NCKAP5: variants seen among roughly 807,000 people sequenced by gnomAD.
The protein encoded by NCKAP5 is nck-associated protein 5.
In NCKAP5, 92 loss-of-function variants were observed where a neutral mutation model predicts 167.0. The ratio of observed to expected loss-of-function variants is 0.55; its 90% CI spans 0.47 to 0.66. The LOEUF (loss-of-function observed/expected upper bound fraction) is 0.66. Among genes scored for constraint, NCKAP5 ranks in the 30% least tolerant of loss-of-function variants. The pLI, the probability that NCKAP5 is intolerant of heterozygous loss-of-function variation, is 0.00. For missense variants in NCKAP5, 2,378 were observed against 2,315.0 expected (o/e 1.03, Z -0.56); for synonymous variants, 891 against 877.4 (o/e 1.02, Z -0.27).
intron 5 of NCKAP5, among the ~76,000 whole-genome samples, chr2:133,204,613 G>A (rs1469024684): frequency 2.6e-5 from 4 of 152,130 alleles, no homozygotes; most frequent in African/African-American, 9.7e-5. Flanking sequence ...TATGAGCCAC[G>A]TTTCGCATAT....
At chr2:133,114,089 A>G (rs2082000287) in intron 6 of NCKAP5, among the ~76,000 whole-genome samples, 1 of 152,250 alleles carries the variant, frequency 6.6e-6, no homozygotes. Flanking sequence ...TGCCATTTAT[A>G]TACTCTTGTT....
chr2:133,482,978 A>G (rs1233848716), intron 3 of NCKAP5, among the ~76,000 whole-genome samples: 1 of 152,172 alleles, frequency 6.6e-6, no homozygotes, highest in East Asian at 1.9e-4. Context: ...TCATTTTTCC[A>G]TGACATTGTT....
intron 3 of NCKAP5, among the ~76,000 whole-genome samples, chr2:133,353,740 G>C (rs566095729): frequency 6.6e-6 from 1 of 152,178 alleles, no homozygotes; most frequent in Non-Finnish European, 1.5e-5. Flanking sequence ...TCTCAACAAT[G>C]AGAGGCTCAG....
At chr2:132,832,448 T>C (rs1357558970) in intron 11 of NCKAP5, among the ~76,000 whole-genome samples, 1 of 152,132 alleles carries the variant, frequency 6.6e-6, no homozygotes, top group African/African-American at 2.4e-5. Flanking sequence ...ATGGTCCCAT[T>C]AGAGCTTTTA....
At chr2:133,361,580 A>G (rs1437263794) in intron 3 of NCKAP5, among the ~76,000 whole-genome samples, 1 of 152,244 alleles carries the variant, frequency 6.6e-6, no homozygotes, top group Non-Finnish European at 1.5e-5. Context: ...TGCTCTTGTT[A>G]AAAGTGAAGA....
rs567013712 is a variant in NCKAP5, at chr2:132,873,438, G to GA, written c.649-4465dup. Among the ~76,000 whole-genome samples the GA allele has an allele frequency of 1.4e-3, 211 of 152,270 alleles. 1 individual carries two copies. Among genetic ancestry groups the GA allele is most frequent in the African/African-American group, 4.8e-3 (200 of 41,544 alleles). On this transcript the variant is annotated intron_variant, in intron 9 of 19. Coordinates refer to ENST00000409261, the MANE Select transcript of NCKAP5 (RefSeq NM_207363.3). ...GAAAAAATGTTTTTTAAGAATAAGG[G>GA]ATTCTACTTGGAAAGGCGTGAGGGG...
intron 4 of NCKAP5, among the ~76,000 whole-genome samples, chr2:133,254,330 G>C (rs748751245): frequency 6.6e-6 from 1 of 152,016 alleles, no homozygotes; most frequent in Non-Finnish European, 1.5e-5. Flanking sequence ...AAGACACCCA[G>C]TCACCCCAGA....
At chr2:133,030,287 G>A (rs2078838032) in intron 6 of NCKAP5, among the ~76,000 whole-genome samples, 1 of 152,160 alleles carries the variant, frequency 6.6e-6, no homozygotes. Flanking sequence ...TAGGGTGATG[G>A]ATGGGCACCT....
chr2:132,748,777 C>T (rs1487633000), intron 16 of NCKAP5, among the ~76,000 whole-genome samples: 1 of 151,818 alleles, frequency 6.6e-6, no homozygotes, highest in Non-Finnish European at 1.5e-5. Flanking sequence ...CATTTAAAAC[C>T]AAGTCAGGAT....
intron 4 of NCKAP5, 126 bp downstream of exon 4, chr2:133,302,911 A>C: frequency 7.0e-6 from 4 of 567,770 alleles, no homozygotes; most frequent in Non-Finnish European, 1.2e-5. Flanking sequence ...GTTTCTTAGA[A>C]TCTAACAGTT....
intron 4 of NCKAP5, among the ~76,000 whole-genome samples, chr2:133,260,071 G>A (rs1248944411): frequency 2.0e-5 from 3 of 152,188 alleles, no homozygotes; most frequent in Non-Finnish European, 2.9e-5. Flanking sequence ...CCTAAAATAA[G>A]TAAGTCTCAT....
chr2:133,270,827 T>A (rs187664021), intron 4 of NCKAP5, among the ~76,000 whole-genome samples: 181 of 152,136 alleles, frequency 1.2e-3, no homozygotes, highest in African/African-American at 4.2e-3. Context: ...ATGGGAAAAC[T>A]CTAATTCTGT....
chr2:132,829,989 A>G (rs2105360758), intron 11 of NCKAP5, among the ~76,000 whole-genome samples: 1 of 152,170 alleles, frequency 6.6e-6, no homozygotes, highest in East Asian at 1.9e-4. Flanking sequence ...TCGTCTAGTG[A>G]TGTTGACTTT....
the NCKAP5 span, among the ~76,000 whole-genome samples, chr2:133,579,318 C>T: frequency 3.3e-5 from 5 of 152,176 alleles, no homozygotes; most frequent in African/African-American, 1.2e-4. Context: ...AGTGTATGTA[C>T]TCTGACTATA....
chr2:133,556,061 A>G (rs1336339644), intron 2 of NCKAP5, among the ~76,000 whole-genome samples: 1 of 152,198 alleles, frequency 6.6e-6, no homozygotes, highest in Non-Finnish European at 1.5e-5. Context: ...AAAGTACACA[A>G]AAGGCCAAAT....
At chr2:133,046,489 C>T (rs893545826) in intron 6 of NCKAP5, among the ~76,000 whole-genome samples, 2 of 152,052 alleles carry the variant, frequency 1.3e-5, no homozygotes, top group Admixed American at 6.6e-5. Context: ...AGTGATCCTC[C>T]GACCTTAGCC....
At chr2:132,902,234 A>G (rs1693682639) in intron 8 of NCKAP5, among the ~76,000 whole-genome samples, 1 of 152,242 alleles carries the variant, frequency 6.6e-6, no homozygotes, top group African/African-American at 2.4e-5. Flanking sequence ...AGCATAGTTA[A>G]AAAATGAGAA....
chr2:133,282,114 GTTAA>G (rs2089957455), intron 4 of NCKAP5, among the ~76,000 whole-genome samples: 1 of 152,204 alleles, frequency 6.6e-6, no homozygotes. Flanking sequence ...AGCCAAACTA[GTTAA>G]TTAATGTTTG....
At chr2:133,270,685 T>G (rs991252103) in intron 4 of NCKAP5, among the ~76,000 whole-genome samples, 1 of 152,202 alleles carries the variant, frequency 6.6e-6, no homozygotes, top group East Asian at 1.9e-4. Flanking sequence ...TTTGATTGGT[T>G]GCTTTCCACA....
Sources: allele counts gnomAD v4.1 joint callset (sites outside exome capture counted in the v4.1 genomes callset), GRCh38; gene constraint gnomAD v4.1.1; transcripts MANE v1.5; gene names NCBI Gene and HGNC (gene_info 2026-07-23, HGNC 2026-07-21).